CCSER1: variants seen among roughly 807,000 people sequenced by gnomAD.
CCSER1 encodes the protein serine-rich coiled-coil domain-containing protein 1.
Under a neutral mutation model 82.0 loss-of-function variants are expected in CCSER1, and 41 were observed. That is an observed-to-expected ratio of 0.50 (90% CI 0.39 to 0.65). The LOEUF is 0.65. Ranked by LOEUF, CCSER1 falls within the 30% of genes least tolerant of loss-of-function variation. The pLI is 0.00. For missense variants in CCSER1, 1,119 were observed against 1,064.2 expected (o/e 1.05, Z -0.72); for synonymous variants, 414 against 383.9 (o/e 1.08, Z -0.92).
At chr4:90,233,154 G>T (rs1369032693) in intron 1 of CCSER1, among the ~76,000 whole-genome samples, 1 of 152,104 alleles carries the variant, frequency 6.6e-6, no homozygotes, top group African/African-American at 2.4e-5. Flanking sequence ...AAATCATGCT[G>T]CTATAAAGAG....
chr4:90,559,742 G>A (rs1264619979), intron 5 of CCSER1, among the ~76,000 whole-genome samples: 4 of 147,484 alleles, frequency 2.7e-5, no homozygotes, highest in South Asian at 2.1e-4. Flanking sequence ...CCTGGGAGGC[G>A]GAGCTTGCAG....
At chr4:91,091,325 C>T (rs759398564) in intron 10 of CCSER1, among the ~76,000 whole-genome samples, 17 of 152,242 alleles carry the variant, frequency 1.1e-4, no homozygotes, top group Middle Eastern at 3.4e-3. Context: ...TCATAGCACA[C>T]GTCGGGCTGG....
intron 5 of CCSER1, among the ~76,000 whole-genome samples, chr4:90,498,011 T>C (rs1251768054): frequency 1.3e-5 from 2 of 151,830 alleles, no homozygotes; most frequent in South Asian, 2.1e-4. Flanking sequence ...CAAGTTTTGA[T>C]ATACTTGCTA....
chr4:90,750,609 A>G (rs1748456046), intron 7 of CCSER1, among the ~76,000 whole-genome samples: 1 of 152,180 alleles, frequency 6.6e-6, no homozygotes, highest in Admixed American at 6.6e-5. Context: ...AACTTATCTT[A>G]AAATGCTCCT....
At chr4:91,279,830 C>T (rs1919222) in intron 10 of CCSER1, among the ~76,000 whole-genome samples, 30,050 of 151,832 alleles carry the variant, frequency 0.2, 3,801 homozygotes, top group Non-Finnish European at 0.27. Flanking sequence ...GTCTCTTGTG[C>T]CCTTATATTG....
intron 4 of CCSER1, among the ~76,000 whole-genome samples, chr4:90,461,920 G>C (rs1560554824): frequency 6.6e-6 from 1 of 152,314 alleles, no homozygotes; most frequent in East Asian, 1.9e-4. Context: ...CACAAGTTCA[G>C]CACCTACTAC....
intron 8 of CCSER1, among the ~76,000 whole-genome samples, chr4:90,841,482 G>A (rs947518767): frequency 7.9e-5 from 12 of 151,222 alleles, no homozygotes; most frequent in African/African-American, 2.9e-4. Context: ...GGAGGCTGAG[G>A]CAGGAGAATG....
intron 1 of CCSER1, among the ~76,000 whole-genome samples, chr4:90,264,050 C>T (rs1224828457): frequency 1.3e-5 from 2 of 152,184 alleles, no homozygotes; most frequent in African/African-American, 4.8e-5. Flanking sequence ...GTTTTCAAGT[C>T]ACACTTGACT....
chr4:90,568,836 C>T (rs1205376850), intron 5 of CCSER1, among the ~76,000 whole-genome samples: 3 of 150,004 alleles, frequency 2.0e-5, no homozygotes, highest in Admixed American at 1.3e-4. Flanking sequence ...CGTGCCGTGT[C>T]GGCTCACTGC....
At chr4:91,011,517 G>A (rs1739003949) in intron 9 of CCSER1, among the ~76,000 whole-genome samples, 1 of 133,982 alleles carries the variant, frequency 7.5e-6, no homozygotes, top group Non-Finnish European at 1.7e-5. Flanking sequence ...CCTCTCTGAT[G>A]CAGAGTTGAA....
At chr4:90,278,959 C>T (rs911604968) in intron 1 of CCSER1, among the ~76,000 whole-genome samples, 6 of 151,996 alleles carry the variant, frequency 3.9e-5, no homozygotes, top group Non-Finnish European at 5.9e-5. Context: ...TTTCCATAAG[C>T]GTAGGTTTAT....
At chr4:90,253,335 A>C (rs72877748) in intron 1 of CCSER1, among the ~76,000 whole-genome samples, 6,822 of 152,186 alleles carry the variant, frequency 0.045, 397 homozygotes, top group African/African-American at 0.13. Flanking sequence ...GTTGGGTGTC[A>C]CTTGCTTTCA....
At chr4:90,189,994 A>G (rs1270013074) in intron 1 of CCSER1, among the ~76,000 whole-genome samples, 1 of 151,990 alleles carries the variant, frequency 6.6e-6, no homozygotes, top group Non-Finnish European at 1.5e-5. Flanking sequence ...ATCTACTTGC[A>G]TTTTGTTATT....
intron 3 of CCSER1, among the ~76,000 whole-genome samples, chr4:90,394,096 CTT>C (rs112880001): frequency 1.6e-4 from 22 of 133,664 alleles, no homozygotes; most frequent in Admixed American, 3.0e-4. Flanking sequence ...TTACATCTTA[CTT>C]TTTTTTTTTT....
At chr4:90,934,542 A>G (rs1377315219) in intron 9 of CCSER1, among the ~76,000 whole-genome samples, 3 of 152,220 alleles carry the variant, frequency 2.0e-5, no homozygotes, top group Admixed American at 6.5e-5. Context: ...GATAAGTTAA[A>G]CAATACCATG....
chr4:90,458,742 TAGA>T (rs1051683865), intron 4 of CCSER1, among the ~76,000 whole-genome samples: 2 of 152,198 alleles, frequency 1.3e-5, no homozygotes, highest in Non-Finnish European at 2.9e-5. Context: ...GTGAACTACT[TAGA>T]AGGAGCAGAC....
intron 1 of CCSER1, among the ~76,000 whole-genome samples, chr4:90,270,449 AAAT>A (rs1299398552): frequency 2.7e-4 from 41 of 151,924 alleles, no homozygotes. Flanking sequence ...TCATTTGATA[AAAT>A]AATAAAACTG....
chr4:90,997,416 C>T (rs887583186), intron 9 of CCSER1, among the ~76,000 whole-genome samples: 1 of 152,164 alleles, frequency 6.6e-6, no homozygotes, highest in Admixed American at 6.5e-5. Flanking sequence ...TCCACGTGGA[C>T]AACCCAGATT....
intron 10 of CCSER1, among the ~76,000 whole-genome samples, chr4:91,158,706 G>A (rs1010763436): frequency 1.3e-5 from 2 of 151,650 alleles, no homozygotes; most frequent in Admixed American, 1.3e-4. Context: ...CACACACACG[G>A]CCTTGTAAGA....
Sources: allele counts gnomAD v4.1 joint callset (sites outside exome capture counted in the v4.1 genomes callset), GRCh38; gene constraint gnomAD v4.1.1; transcripts MANE v1.5; gene names NCBI Gene and HGNC (gene_info 2026-07-23, HGNC 2026-07-21).